TMEM132D: variants seen among roughly 807,000 people sequenced by gnomAD.
The protein encoded by TMEM132D is transmembrane protein 132D, also known as mature OL transmembrane protein.
In TMEM132D, 21 loss-of-function variants were observed where a neutral mutation model predicts 62.3. That is an observed-to-expected ratio of 0.34 (90% CI 0.24 to 0.49). The LOEUF is 0.49. Among genes scored for constraint, TMEM132D ranks in the 20% least tolerant of loss-of-function variants. The pLI is 0.99. For missense variants in TMEM132D, 1,346 were observed against 1,402.8 expected, an observed-to-expected ratio of 0.96 and a Z score of 0.65; for synonymous variants, 621 against 575.6, an observed-to-expected ratio of 1.08 and a Z score of -1.13.
chr12:129,436,753 G>A (rs1017605498), intron 3 of TMEM132D, among the ~76,000 whole-genome samples: 15 of 152,176 alleles, frequency 9.9e-5, no homozygotes, highest in South Asian at 2.1e-4. Flanking sequence ...AAGTGTGTGC[G>A]TTTGTGATTT....
chr12:129,585,523 A>T (rs1379769996), intron 2 of TMEM132D, among the ~76,000 whole-genome samples: 2 of 152,224 alleles, frequency 1.3e-5, no homozygotes, highest in African/African-American at 4.8e-5. Flanking sequence ...TAACTGAGGC[A>T]CTTGTGGAGA....
In TMEM132D at chr12:129,562,952, C is replaced by T. The variant is rs61943475; in HGVS notation, c.969-31747G>A. Among the ~76,000 whole-genome samples the T allele has an allele frequency of 3.9e-3, 598 of 152,240 alleles. 5 individuals are homozygous for T. The highest frequency in any genetic ancestry group is 6.1e-3 in the Non-Finnish European group (412 of 68,006). On this transcript the variant is annotated intron_variant, in intron 2 of 8. Transcript: ENST00000422113. ...TAGAACTCTGTAGATAATTCTATTA[C>T]GGCACCTACCATCTTGTGCTGTAAT... is the stretch of plus-strand genomic sequence containing the variant.
intron 1 of TMEM132D, among the ~76,000 whole-genome samples, chr12:129,731,673 T>G (rs1433664144): frequency 6.6e-6 from 1 of 151,896 alleles, no homozygotes; most frequent in Non-Finnish European, 1.5e-5. Flanking sequence ...GGAAATTTTT[T>G]TTTTTTTGAG....
intron 5 of TMEM132D, among the ~76,000 whole-genome samples, chr12:129,198,376 A>G (rs535744956): frequency 1.3e-5 from 2 of 152,354 alleles, no homozygotes; most frequent in South Asian, 2.1e-4. Flanking sequence ...TGTTCACTGC[A>G]GCACTACTTA....
intron 1 of TMEM132D, chr12:129,840,099 T>A (rs1033621730): frequency 6.6e-6 from 1 of 152,224 alleles, no homozygotes; most frequent in Non-Finnish European, 1.5e-5. Flanking sequence ...ATGACCTCAA[T>A]TTTTTAAGTG....
At chr12:129,145,300 T>C (rs1325076777) in intron 5 of TMEM132D, among the ~76,000 whole-genome samples, 4 of 152,148 alleles carry the variant, frequency 2.6e-5, no homozygotes, top group African/African-American at 4.8e-5. Flanking sequence ...AACTTACTAC[T>C]GGATTGTTAC....
intron 3 of TMEM132D, among the ~76,000 whole-genome samples, chr12:129,517,379 A>G (rs1440017278): frequency 6.6e-6 from 1 of 152,186 alleles, no homozygotes; most frequent in Admixed American, 6.5e-5. Flanking sequence ...ATGCATTAGT[A>G]CTCAGATTAC....
At chr12:129,407,776 C>A (rs1173149389) in intron 3 of TMEM132D, among the ~76,000 whole-genome samples, 1 of 151,730 alleles carries the variant, frequency 6.6e-6, no homozygotes, top group Non-Finnish European at 1.5e-5. Flanking sequence ...GTGGCGGGTG[C>A]CTGTAGTCCC....
At chr12:129,571,836 C>G (rs1258062579) in intron 2 of TMEM132D, among the ~76,000 whole-genome samples, 1 of 151,380 alleles carries the variant, frequency 6.6e-6, no homozygotes, top group Admixed American at 6.6e-5. Flanking sequence ...TTTTTAAAGA[C>G]CATTGTGAAT....
chr12:129,324,974 C>G (rs1681427116), intron 4 of TMEM132D, among the ~76,000 whole-genome samples: 1 of 152,200 alleles, frequency 6.6e-6, no homozygotes, highest in Non-Finnish European at 1.5e-5. Context: ...ACGTGTTTGA[C>G]TTCCACACTC....
intron 4 of TMEM132D, among the ~76,000 whole-genome samples, chr12:129,254,273 T>C (rs1880345482): frequency 6.6e-6 from 1 of 152,268 alleles, no homozygotes; most frequent in Non-Finnish European, 1.5e-5. Context: ...CCGATTACTC[T>C]GATTTGATCA....
At chr12:129,686,130 C>T (rs763017280) in intron 2 of TMEM132D, among the ~76,000 whole-genome samples, 2 of 152,126 alleles carry the variant, frequency 1.3e-5, no homozygotes, top group East Asian at 1.9e-4. Flanking sequence ...TGGGGGACAC[C>T]GTTGGGAAGG....
intron 3 of TMEM132D, among the ~76,000 whole-genome samples, chr12:129,529,510 G>C (rs747948567): frequency 3.0e-4 from 45 of 152,182 alleles, no homozygotes; most frequent in Admixed American, 2.1e-3. Context: ...AATAAAAAGG[G>C]CACAAATATT....
chr12:129,322,173 A>C (rs1458516472), intron 4 of TMEM132D, among the ~76,000 whole-genome samples: 1 of 150,842 alleles, frequency 6.6e-6, no homozygotes, highest in East Asian at 2.0e-4. Context: ...CATACGTGGG[A>C]CGAATGTTTC....
At chr12:129,746,844 A>G (rs151281576) in intron 1 of TMEM132D, among the ~76,000 whole-genome samples, 142 of 152,110 alleles carry the variant, frequency 9.3e-4, no homozygotes, top group African/African-American at 3.1e-3. Flanking sequence ...CAGCAACTCT[A>G]TCCGTGCAAC....
chr12:129,584,564 G>A lies in TMEM132D; in HGVS notation c.969-53359C>T, dbSNP rs540120771. 6.6e-5 allele frequency among the ~76,000 whole-genome samples: 10 copies of A among 152,262 alleles called. No individual in the cohort carries two copies. In the East Asian group the frequency reaches 1.7e-3, roughly 27 times the overall value. ...GTGGCAAGCATGAAGCAAGCCACCC[G>A]GAGACAGGCTGGGGTGGATGGAATT... On this transcript the variant is annotated intron_variant, in intron 2 of 8. Coordinates refer to ENST00000422113, the MANE Select transcript of TMEM132D (RefSeq NM_133448.3).
At chr12:129,466,284 T>TTTTTC (rs1362620647) in intron 3 of TMEM132D, among the ~76,000 whole-genome samples, 1 of 376 alleles carries the variant, frequency 2.7e-3, no homozygotes, top group African/African-American at 4.6e-3. Flanking sequence ...TTTTCCTTTT[T>TTTTTC]TTTTTTTTTT....
chr12:129,806,953 A>G (rs1298056987), intron 1 of TMEM132D, among the ~76,000 whole-genome samples: 1 of 152,114 alleles, frequency 6.6e-6, no homozygotes, highest in African/African-American at 2.4e-5. Flanking sequence ...AGGATCATTC[A>G]AGCCTGGGAG....
chr12:129,725,585 G>T (rs1203168788), intron 1 of TMEM132D, among the ~76,000 whole-genome samples: 2 of 152,224 alleles, frequency 1.3e-5, no homozygotes, highest in African/African-American at 4.8e-5. Flanking sequence ...GACTTACACT[G>T]CAGAGAAGGT....
Sources: allele counts gnomAD v4.1 joint callset (sites outside exome capture counted in the v4.1 genomes callset), GRCh38; gene constraint gnomAD v4.1.1; transcripts MANE v1.5; gene names NCBI Gene and HGNC (gene_info 2026-07-23, HGNC 2026-07-21).